Variants in MOB4 observed in about 807,000 individuals in gnomAD.
MOB4 encodes MOB-like protein phocein.
In MOB4, 4 loss-of-function variants were observed where a neutral mutation model predicts 32.2. The observed-to-expected ratio is 0.12, with a 90% confidence interval of 0.06 to 0.28. MOB4 has a LOEUF of 0.28. MOB4 is among the 10% of genes least tolerant of loss of function. MOB4 has a pLI of 1.00. For synonymous variants in MOB4, 88 were observed against 88.1 expected (o/e 1.00, Z 0.01); for missense variants, 158 against 271.2 (o/e 0.58, Z 2.93).
At chr2:197,524,772 C>T (rs906393390) in intron 2 of MOB4, among the ~76,000 whole-genome samples, 2 of 151,610 alleles carry the variant, frequency 1.3e-5, no homozygotes, top group Admixed American at 6.6e-5. Context: ...AGTCACTGCA[C>T]CTGTCTTTTT....
chr2:197,536,595 C>CTTTTTTTTT (rs71012981), intron 3 of MOB4, among the ~76,000 whole-genome samples: 11 of 55,354 alleles, frequency 2.0e-4, no homozygotes, highest in Non-Finnish European at 2.2e-4. Flanking sequence ...CATCTTTTGT[C>CTTTTTTTTT]TTTTTTTTTT....
At chr2:197,515,735 A>G, upstream of MOB4, 1 of 312,850 alleles carries the variant, frequency 3.2e-6, no homozygotes, top group African/African-American at 2.2e-5. Context: ...CTTCCCGTGT[A>G]ACTAACGAGA....
upstream of MOB4, chr2:197,515,865 C>G (rs1252392643): frequency 1.8e-6 from 1 of 547,670 alleles, no homozygotes; most frequent in Non-Finnish European, 3.2e-6. Flanking sequence ...TCCGGTGCCT[C>G]AGTCCCTGCC....
intron 2 of MOB4, among the ~76,000 whole-genome samples, chr2:197,531,309 G>T (rs1451978389): frequency 1.3e-5 from 2 of 151,998 alleles, no homozygotes; most frequent in Non-Finnish European, 2.9e-5. Flanking sequence ...CTCCCAAAGT[G>T]CTGGGATTAC....
intron 1 of MOB4, 61 bp downstream of exon 1, chr2:197,516,207 G>A (rs2086408487): frequency 1.9e-6 from 3 of 1,546,850 alleles, no homozygotes; most frequent in Non-Finnish European, 2.6e-6. Context: ...GCGCCCGGAA[G>A]CTGGCCGCCA....
upstream of MOB4, chr2:197,516,009 G>T: frequency 4.2e-6 from 6 of 1,442,750 alleles, no homozygotes; most frequent in Non-Finnish European, 4.7e-6. Flanking sequence ...GACGCAGAGC[G>T]CCGCTCTGCC....
At chr2:197,524,148 GATCACTTGATCCTACTTCAAGGGTCTA>G (rs2086568147) in intron 2 of MOB4, among the ~76,000 whole-genome samples, 1 of 152,124 alleles carries the variant, frequency 6.6e-6, no homozygotes, top group Admixed American at 6.5e-5. Context: ...GAGGTGGGGA[GATCACTTGATCCTACTTCAAGGGTCTA>G]ATGAGCTATG....
In MOB4 at chr2:197,550,340, T is replaced by A; in HGVS notation, c.500T>A (p.Phe167Tyr). 1 of 1,614,004 alleles carries A rather than the reference T, an allele frequency of 6.2e-7. No individual in the cohort carries two copies. Among genetic ancestry groups the A allele is most frequent in the Non-Finnish European group, 8.5e-7 (1 of 1,179,978 alleles). ...GSVCRRIYRI[F>Y]SHAYFHHRQI... ...GTATGCCGTAGGATTTACAGAATAT[T>A]TTCACATGCTTATTTTCATCATCGG... The change falls in exon 7 of 8, where the codon TTT (phenylalanine) becomes TAT (tyrosine). Residue 167 changes from phenylalanine to tyrosine, a missense_variant. By Grantham distance (22) the Phe-to-Tyr change is conservative (BLOSUM62 3). Transcript: ENST00000323303.
chr2:197,529,694 G>A (rs370218352), intron 2 of MOB4, among the ~76,000 whole-genome samples: 17 of 151,042 alleles, frequency 1.1e-4, no homozygotes, highest in East Asian at 7.9e-4. Flanking sequence ...TTGCTCTGTC[G>A]CCCAGGCTGG....
Sources: gnomAD v4.1 joint callset for allele counts (sites outside exome capture counted in the v4.1 genomes callset) on GRCh38, gnomAD v4.1.1 for gene constraint, MANE v1.5 for transcripts, NCBI Gene and HGNC (gene_info 2026-07-23, HGNC 2026-07-21) for gene names.